Variants in C17orf75 observed in about 807,000 individuals in gnomAD.
C17orf75 encodes the protein protein Njmu-R1.
Under a neutral mutation model 49.6 loss-of-function variants are expected in C17orf75, and 32 were observed. That is an observed-to-expected ratio of 0.65 (90% CI 0.49 to 0.87). The LOEUF is 0.87. Among genes scored for constraint, C17orf75 ranks in the 40% least tolerant of loss-of-function variants. C17orf75 has a pLI of 0.00. For synonymous variants in C17orf75, 158 were observed against 159.5 expected, an observed-to-expected ratio of 0.99 and a Z score of 0.07; for missense variants, 428 against 473.9, an observed-to-expected ratio of 0.90 and a Z score of 0.90.
intron 1 of C17orf75, 67 bp from the exon 2 acceptor site, chr17:32,341,351 G>A: frequency 6.6e-7 from 1 of 1,519,910 alleles, no homozygotes; most frequent in Non-Finnish European, 9.1e-7. Context: ...ATGGGGGCCT[G>A]GCAAGCAGGG....
rs2041266142 is a variant in C17orf75, at chr17:32,330,734, G to A, written c.*1029C>T. 6.6e-6 allele frequency: 1 copy of A among 152,120 alleles called. No individual in the cohort carries two copies. The highest frequency in any genetic ancestry group is 2.4e-5 in the African/African-American group (1 of 41,432). 9.4% of individuals were successfully genotyped at this position (152,120 alleles called of 1,614,324 possible). A position where few individuals can be genotyped will look rare whatever the true frequency, so the allele number is the denominator to read the frequency against. ...GTACTTTGTTTCTTTTCTCAACACT[G>A]TTTTAAAACTCCAGCATTTTCACCT... is the stretch of plus-strand genomic sequence containing the variant. On this transcript the variant is annotated 3_prime_UTR_variant, in exon 10 of 10. Coordinates refer to ENST00000577809, the MANE Select transcript of C17orf75 (RefSeq NM_022344.4).
chr17:32,345,969 T>C (rs1052986791), upstream of C17orf75, among the ~76,000 whole-genome samples: 2 of 152,206 alleles, frequency 1.3e-5, no homozygotes, highest in African/African-American at 4.8e-5. Context: ...TCTCAGCTGA[T>C]ATATGTATCT....
chr17:32,349,167 C>A (rs1025145835), intron 1 of C17orf75, among the ~76,000 whole-genome samples: 1 of 152,124 alleles, frequency 6.6e-6, no homozygotes, highest in African/African-American at 2.4e-5. Context: ...CCGCGCCCGG[C>A]TATCAGCTCC....
chr17:32,341,096 T>TATCCCC, intron 2 of C17orf75, 108 bp downstream of exon 2: 5 of 1,190,412 alleles, frequency 4.2e-6, no homozygotes, highest in Middle Eastern at 3.9e-4. Context: ...AATTGACGGT[T>TATCCCC]TGACTCAGGG....
intron 9 of C17orf75, 28 bp from the exon 10 acceptor site, chr17:32,332,006 G>C (rs1313502197): frequency 6.4e-7 from 1 of 1,558,000 alleles, no homozygotes; most frequent in Admixed American, 1.8e-5. Context: ...AGTTAAAAAT[G>C]TGTTAAGTGA....
Position 32,336,046 on chromosome 17 carries a change from G to A in C17orf75, c.550-604C>T, listed in dbSNP as rs985375549. Among the ~76,000 whole-genome samples the A allele has an allele frequency of 2.0e-5, 3 of 152,142 alleles. No individual in the cohort carries two copies. In the East Asian group the frequency reaches 5.8e-4, roughly 29 times the overall value. On this transcript the variant is annotated intron_variant, in intron 5 of 9. Coordinates refer to ENST00000577809, the MANE Select transcript of C17orf75 (RefSeq NM_022344.4). ...TGTCACACACGAAGAGCTCTAGTCC[G>A]GGAGAACAACTCTATTAGACTTGCA... is the stretch of plus-strand genomic sequence containing the variant.
intron 1 of C17orf75, among the ~76,000 whole-genome samples, chr17:32,347,509 T>G (rs888903452): frequency 6.6e-5 from 10 of 152,180 alleles, no homozygotes; most frequent in Non-Finnish European, 1.5e-4. Context: ...CTCGAACTCC[T>G]GACCTCAGGT....
intron 6 of C17orf75, 129 bp from the exon 7 acceptor site, chr17:32,334,968 C>G (rs1280526090): frequency 2.7e-6 from 2 of 728,454 alleles, no homozygotes; most frequent in Non-Finnish European, 4.4e-6. Context: ...GTCACAAGCT[C>G]TCCAGAGCCT....
Position 32,342,054 on chromosome 17 carries a change from C to G in C17orf75, c.86G>C (p.Arg29Thr). The G allele has an allele frequency of 6.4e-7, 1 of 1,558,474 alleles. No homozygotes were observed. Among genetic ancestry groups the G allele is most frequent in the Non-Finnish European group, 8.7e-7 (1 of 1,153,746 alleles). ...GTGGCTGCTGGACGGCGGCTCGAGTCTCCGCTCCTCGGCTGAGCCTCCCTC... is the reference window on the plus strand; with the variant it reads ...GTGGCTGCTGGACGGCGGCTCGAGTGTCCGCTCCTCGGCTGAGCCTCCCTC... ...SEEGGSAEER[R>T]LEPPSSSHYC... The change falls in exon 1 of 10, where the codon AGA becomes ACA. Residue 29 changes from arginine (R) to threonine (T), a missense_variant. Arg to Thr is a moderately conservative substitution (Grantham distance 71). Coordinates refer to ENST00000577809, the MANE Select transcript of C17orf75 (RefSeq NM_022344.4).
rs1765594129 is a variant in C17orf75 at position 32,328,976 on chromosome 17, G to C, written c.*2787C>G. 1 of 151,892 alleles carries C rather than the reference G, an allele frequency of 6.6e-6. No individual in the cohort carries two copies. Among genetic ancestry groups the C allele is most frequent in the Non-Finnish European group, 1.5e-5 (1 of 67,998 alleles). 9.4% of individuals were successfully genotyped at this position (151,892 alleles called of 1,614,324 possible). ...AATTTGAATACAGTACATGTTTCTA[G>C]TCATGAACTCTGTGGTTTCTTCTCA... On this transcript the variant is annotated 3_prime_UTR_variant, in exon 10 of 10. Coordinates refer to ENST00000577809, the MANE Select transcript of C17orf75 (RefSeq NM_022344.4).
chr17:32,339,542 G>A (rs183376609), intron 3 of C17orf75, among the ~76,000 whole-genome samples: 5 of 151,840 alleles, frequency 3.3e-5, no homozygotes, highest in Admixed American at 6.6e-5. Flanking sequence ...AGCTGTAATC[G>A]GGCCGCTGCA....
upstream of C17orf75, chr17:32,344,138 A>G (rs1020017192): frequency 3.9e-5 from 21 of 538,146 alleles, no homozygotes; most frequent in South Asian, 4.7e-4. Flanking sequence ...CCCAGACTGA[A>G]AGCCAAATCT....
At chr17:32,349,579 T>G (rs1013498375) in intron 1 of C17orf75, among the ~76,000 whole-genome samples, 3 of 152,006 alleles carry the variant, frequency 2.0e-5, no homozygotes, top group Non-Finnish European at 4.4e-5. Context: ...AGACTTGGTC[T>G]CAGAAAAATA....
In C17orf75 at chr17:32,341,233, A is replaced by G. The variant is rs2041377429; in HGVS notation, c.192T>C (p.Asn64=). 3 of 1,613,936 alleles carry G rather than the reference A, an allele frequency of 1.9e-6. No individual in the cohort carries two copies. The highest frequency in any genetic ancestry group is 1.7e-6 in the Non-Finnish European group (2 of 1,179,874). Residue 64 remains asparagine, a synonymous_variant, in exon 2 of 10, where the codon AAT becomes AAC. Coordinates refer to ENST00000577809, the MANE Select transcript of C17orf75 (RefSeq NM_022344.4). ...DSEDGSPSGT[N]AETPSGDDFS... is the part of the protein sequence containing the mutation. ...AATCATCACCAGAGGGAGTTTCTGCATTTGTGCCACTTGGGCTTCCGTCCT... is the reference window on the plus strand; with the variant it reads ...AATCATCACCAGAGGGAGTTTCTGCGTTTGTGCCACTTGGGCTTCCGTCCT...
rs771734049 is a variant in C17orf75 at position 32,342,117 on chromosome 17, G to A, written c.23C>T (p.Ser8Leu). 22 of 1,599,694 alleles carry A rather than the reference G, an allele frequency of 1.4e-5. 1 individual carries two copies. Among genetic ancestry groups the A allele is most frequent in the South Asian group, 3.4e-5 (3 of 88,934 alleles). Residue 8 changes from serine to leucine, a missense_variant, in exon 1 of 10, where the codon TCG becomes TTG. Ser to Leu is a moderately radical substitution (Grantham distance 145, BLOSUM62 -2). Transcript: ENST00000577809. Reference protein sequence around the residue: MLPSLQESMDGDEKELES... With the variant: MLPSLQELMDGDEKELES... ...TAGTTCCTTTTCATCTCCATCCATCGACTCCTGCAAAGAGGGGAGCATTGC... is the reference window on the plus strand; with the variant it reads ...TAGTTCCTTTTCATCTCCATCCATCAACTCCTGCAAAGAGGGGAGCATTGC...
At position 32,331,967 on chromosome 17, in the gene C17orf75, G is replaced by T. The variant is rs1210915517; in HGVS notation, c.987C>A (p.Asp329Glu). The T allele has an allele frequency of 4.3e-6, 7 of 1,610,354 alleles. No homozygotes were observed. The highest frequency in any genetic ancestry group is 5.1e-6 in the Non-Finnish European group (6 of 1,178,104). ...LENFKLKAIQ[D>E]TNNLKRFIRQ... ...GGATAAATCTCTTCAAATTGTTTGT[G>T]TCTTGTATGGCCTAGAAAATGATTA... Residue 329 changes from aspartate to glutamate, a missense_variant, in exon 10 of 10, where the codon GAC becomes GAA. By Grantham distance (45) the Asp-to-Glu change is conservative. Coordinates refer to ENST00000577809, the MANE Select transcript of C17orf75 (RefSeq NM_022344.4).
intron 1 of C17orf75, among the ~76,000 whole-genome samples, chr17:32,347,581 A>G (rs2041435182): frequency 6.6e-6 from 1 of 152,064 alleles, no homozygotes; most frequent in Admixed American, 6.6e-5. Context: ...CACCACACCC[A>G]CTGAATTATA....
At chr17:32,345,293 T>C (rs1360296178), upstream of C17orf75, among the ~76,000 whole-genome samples, 3 of 150,574 alleles carry the variant, frequency 2.0e-5, no homozygotes, top group South Asian at 2.1e-4. Context: ...CTGGCCAACA[T>C]GGTGAAACCC....
At chr17:32,334,966 C>T (rs1311252662) in intron 6 of C17orf75, 127 bp from the exon 7 acceptor site, 8 of 731,240 alleles carry the variant, frequency 1.1e-5, no homozygotes, top group African/African-American at 1.8e-5. Context: ...TGGTCACAAG[C>T]TCTCCAGAGC....
Sources: allele counts gnomAD v4.1 joint callset (sites outside exome capture counted in the v4.1 genomes callset), GRCh38; gene constraint gnomAD v4.1.1; transcripts MANE v1.5; gene names NCBI Gene and HGNC (gene_info 2026-07-23, HGNC 2026-07-21).